GPM6A: variants seen among roughly 807,000 people sequenced by gnomAD.
GPM6A encodes the protein neuronal membrane glycoprotein M6-a.
In GPM6A, 7 loss-of-function variants were observed where a neutral mutation model predicts 32.1. That is an observed-to-expected ratio of 0.22 (90% CI 0.12 to 0.41). The LOEUF (loss-of-function observed/expected upper bound fraction) is 0.41. GPM6A is among the 10% of genes least tolerant of loss of function. The pLI is 1.00. For synonymous variants in GPM6A, 130 were observed against 123.4 expected (o/e 1.05, Z -0.35); for missense variants, 235 against 347.2 (o/e 0.68, Z 2.57).
chr4:175,734,382 A>G (rs2111150569), intron 1 of GPM6A, among the ~76,000 whole-genome samples: 1 of 152,208 alleles, frequency 6.6e-6, no homozygotes, highest in East Asian at 1.9e-4. Flanking sequence ...AATAATTATT[A>G]AGACATACTG....
At chr4:175,695,341 C>T (rs1744518791) in intron 2 of GPM6A, among the ~76,000 whole-genome samples, 1 of 152,178 alleles carries the variant, frequency 6.6e-6, no homozygotes, top group African/African-American at 2.4e-5. Context: ...CTGGAAAAGC[C>T]ATAGGCATTC....
chr4:175,652,033 AAAG>A, intron 3 of GPM6A, 46 bp from the exon 4 acceptor site: 1 of 1,506,832 alleles, frequency 6.6e-7, no homozygotes, highest in Non-Finnish European at 9.1e-7. Flanking sequence ...ATCTACCAAA[AAAG>A]AAGAATTTTG....
intron 1 of GPM6A, among the ~76,000 whole-genome samples, chr4:175,975,555 C>A (rs1476396005): frequency 6.6e-6 from 1 of 152,110 alleles, no homozygotes; most frequent in African/African-American, 2.4e-5. Context: ...ACAAAACAAC[C>A]AAAAAATCCA....
At chr4:175,695,972 G>A (rs1214482920) in intron 2 of GPM6A, among the ~76,000 whole-genome samples, 2 of 152,110 alleles carry the variant, frequency 1.3e-5, no homozygotes, top group African/African-American at 4.8e-5. Context: ...TGAGTGAGTT[G>A]TTGTGAGATA....
At chr4:175,971,323 T>C (rs1185215975) in intron 1 of GPM6A, among the ~76,000 whole-genome samples, 1 of 151,880 alleles carries the variant, frequency 6.6e-6, no homozygotes, top group Non-Finnish European at 1.5e-5. Context: ...TTTAGGTTAC[T>C]ATGCATCAAA....
chr4:175,818,604 G>A (rs892961517), intron 1 of GPM6A, among the ~76,000 whole-genome samples: 8 of 152,200 alleles, frequency 5.3e-5, no homozygotes, highest in African/African-American at 1.2e-4. Context: ...ATGCATGCAT[G>A]CATGAATGAC....
intron 1 of GPM6A, among the ~76,000 whole-genome samples, chr4:175,768,910 A>T (rs377175577): frequency 3.3e-4 from 50 of 152,240 alleles, no homozygotes; most frequent in African/African-American, 1.2e-3. Flanking sequence ...AGCCTGGCCA[A>T]CAAGGTGAAA....
chr4:175,979,284 G>A (rs1740752867), intron 1 of GPM6A, among the ~76,000 whole-genome samples: 1 of 148,070 alleles, frequency 6.8e-6, no homozygotes, highest in Non-Finnish European at 1.5e-5. Flanking sequence ...TCACCATACT[G>A]CCTGAAAGGT....
At chr4:175,928,912 T>C (rs1453564048) in intron 1 of GPM6A, among the ~76,000 whole-genome samples, 1 of 152,228 alleles carries the variant, frequency 6.6e-6, no homozygotes, top group Non-Finnish European at 1.5e-5. Flanking sequence ...GTTATATTCT[T>C]GATTAATTTG....
At position 175,842,886 on chromosome 4, in the gene GPM6A, G is replaced by T. The variant is rs115166490; in HGVS notation, c.-22-30637C>A. Reference sequence around the variant, plus strand: ...CTCTATGGAGAAAAGAAAAAAGAAAGCATTATTAATCCCAATCCTTGCTTA... The same window carrying T: ...CTCTATGGAGAAAAGAAAAAAGAAATCATTATTAATCCCAATCCTTGCTTA... On this transcript the variant is annotated intron_variant, in intron 1 of 7. Coordinates refer to the GPM6A transcript ENST00000280187. Among the ~76,000 whole-genome samples, 1,480 of 151,874 alleles carry T rather than the reference G, an allele frequency of 9.7e-3. 35 individuals are homozygous for T. Among genetic ancestry groups the T allele is most frequent in the South Asian group, 0.094 (450 of 4,812 alleles).
chr4:175,644,026 AAAAG>A (rs1741304131), intron 4 of GPM6A, among the ~76,000 whole-genome samples: 1 of 152,110 alleles, frequency 6.6e-6, no homozygotes, highest in Non-Finnish European at 1.5e-5. Flanking sequence ...ACCCCAAGTC[AAAAG>A]ATCCAACAGG....
intron 1 of GPM6A, among the ~76,000 whole-genome samples, chr4:175,808,073 C>A (rs569125175): frequency 6.6e-6 from 1 of 152,290 alleles, no homozygotes; most frequent in Non-Finnish European, 1.5e-5. Flanking sequence ...TCTCCTACAG[C>A]CAAAGCTGCC....
At chr4:175,872,460 G>A (rs1280020470) in intron 1 of GPM6A, among the ~76,000 whole-genome samples, 3 of 152,224 alleles carry the variant, frequency 2.0e-5, no homozygotes, top group African/African-American at 7.2e-5. Context: ...ATGTGGGTAT[G>A]ATGAGTTGCC....
In GPM6A at chr4:175,661,300, G is replaced by T. The variant is rs192656375; in HGVS notation, c.388-9313C>A. Among the ~76,000 whole-genome samples the T allele has an allele frequency of 4.8e-3, 737 of 152,048 alleles. 8 individuals are homozygous for T. Among genetic ancestry groups the T allele is most frequent in the Middle Eastern group, 0.031 (9 of 294 alleles). On this transcript the variant is annotated intron_variant, in intron 3 of 6. Transcript: ENST00000393658. ...AACATAAAAATTAGCCAGGTGTGGT[G>T]GCAGGGCTCCTGTAATTCCAGCTAC...
intron 1 of GPM6A, among the ~76,000 whole-genome samples, chr4:175,795,289 T>C (rs1391442970): frequency 6.6e-6 from 1 of 152,222 alleles, no homozygotes; most frequent in East Asian, 1.9e-4. Flanking sequence ...TACCTATGGC[T>C]ATCTGAGGCA....
At chr4:175,984,332 T>G (rs577617717) in intron 1 of GPM6A, among the ~76,000 whole-genome samples, 12 of 152,066 alleles carry the variant, frequency 7.9e-5, no homozygotes, top group African/African-American at 2.9e-4. Context: ...CCGGCTAATT[T>G]TTTTGTATTT....
At chr4:175,957,728 T>C (rs1561011420) in intron 1 of GPM6A, among the ~76,000 whole-genome samples, 1 of 152,126 alleles carries the variant, frequency 6.6e-6, no homozygotes, top group Non-Finnish European at 1.5e-5. Context: ...AAAAAATCAA[T>C]AGTAGGTTCT....
At chr4:175,863,742 C>A (rs949733077) in intron 1 of GPM6A, among the ~76,000 whole-genome samples, 2 of 152,198 alleles carry the variant, frequency 1.3e-5, no homozygotes, top group Non-Finnish European at 2.9e-5. Context: ...TGGCTCACAT[C>A]TGTAATCCCA....
chr4:175,682,580 G>T (rs1044673562), intron 2 of GPM6A, among the ~76,000 whole-genome samples: 4 of 152,184 alleles, frequency 2.6e-5, no homozygotes, highest in African/African-American at 9.7e-5. Flanking sequence ...TAGAAGGAAA[G>T]AATGGTTTCA....
Sources: gnomAD v4.1 joint callset for allele counts (sites outside exome capture counted in the v4.1 genomes callset) on GRCh38, gnomAD v4.1.1 for gene constraint, MANE v1.5 for transcripts, NCBI Gene and HGNC (gene_info 2026-07-23, HGNC 2026-07-21) for gene names.